The following CNTN5 variants were observed in gnomAD, a reference collection of about 807,000 sequenced individuals.
The protein encoded by CNTN5 is contactin 5.
A neutral mutation model predicts 129.1 loss-of-function variants in CNTN5; 77 were observed. That is an observed-to-expected ratio of 0.60 (90% CI 0.50 to 0.72). CNTN5 has a LOEUF of 0.72. Ranked by LOEUF, CNTN5 falls within the 30% of genes least tolerant of loss-of-function variation. The pLI is 0.00. For missense variants in CNTN5, 1,478 were observed against 1,328.8 expected, an observed-to-expected ratio of 1.11 and a Z score of -1.75; for synonymous variants, 509 against 465.6, an observed-to-expected ratio of 1.09 and a Z score of -1.20.
chr11:99,619,803 G>A (rs1477112587), intron 3 of CNTN5, among the ~76,000 whole-genome samples: 2 of 151,892 alleles, frequency 1.3e-5, no homozygotes, highest in Non-Finnish European at 2.9e-5. Context: ...GAGGCGGGCG[G>A]ATCACAAGGT....
chr11:99,042,983 T>G lies in CNTN5; in HGVS notation c.-210+21713T>G, dbSNP rs1044265778. ...CTTTGTTGTCAGGCTCAAATTATCT[T>G]GACCATTCACCTTCCATTCTTTTAT... On this transcript the variant is annotated intron_variant, in intron 1 of 24. Transcript: ENST00000524871. Among the ~76,000 whole-genome samples the G allele has an allele frequency of 6.5e-4, 99 of 152,310 alleles. 3 individuals carry two copies. Among genetic ancestry groups the G allele is most frequent in the African/African-American group, 2.2e-3 (92 of 41,584 alleles).
At chr11:99,178,621 C>G (rs1565380515) in intron 1 of CNTN5, among the ~76,000 whole-genome samples, 1 of 152,046 alleles carries the variant, frequency 6.6e-6, no homozygotes, top group Non-Finnish European at 1.5e-5. Context: ...AAAATGTATA[C>G]AGATTTACTT....
intron 3 of CNTN5, among the ~76,000 whole-genome samples, chr11:99,607,133 A>G (rs11220618): frequency 0.19 from 21,756 of 116,446 alleles, 2,221 homozygotes; most frequent in South Asian, 0.29. Context: ...CTGCACAGCA[A>G]AAGAAACTAC....
chr11:99,837,803 G>A (rs1947354734), intron 4 of CNTN5, among the ~76,000 whole-genome samples: 1 of 151,622 alleles, frequency 6.6e-6, no homozygotes, highest in African/African-American at 2.4e-5. Context: ...ACTTTATTGA[G>A]TGATTATGAT....
intron 13 of CNTN5, among the ~76,000 whole-genome samples, chr11:100,092,711 C>A (rs1020883652): frequency 7.2e-5 from 11 of 152,068 alleles, no homozygotes; most frequent in African/African-American, 2.4e-4. Context: ...CTGTGCTCTT[C>A]CCCCATACTG....
chr11:99,297,062 G>T (rs1448514442), intron 1 of CNTN5, among the ~76,000 whole-genome samples: 1 of 152,194 alleles, frequency 6.6e-6, no homozygotes, highest in Non-Finnish European at 1.5e-5. Context: ...GGAGTCTAGA[G>T]TAGTTAAATT....
chr11:99,193,176 C>G (rs1858732689), intron 1 of CNTN5, among the ~76,000 whole-genome samples: 2 of 151,966 alleles, frequency 1.3e-5, no homozygotes, highest in African/African-American at 4.8e-5. Context: ...TTTCTTATCA[C>G]TATGACAGGG....
chr11:100,341,233 G>A (rs2139014901), intron 23 of CNTN5, 28 bp downstream of exon 23: 1 of 1,461,644 alleles, frequency 6.8e-7, no homozygotes, highest in East Asian at 2.3e-5. Context: ...CTTTTGCATA[G>A]ATACTCATCT....
intron 6 of CNTN5, among the ~76,000 whole-genome samples, chr11:99,908,442 C>G (rs1264223564): frequency 1.3e-5 from 2 of 151,964 alleles, no homozygotes; most frequent in Admixed American, 6.6e-5. Context: ...TTTATCCTTT[C>G]ACATTTTTCT....
chr11:99,779,037 T>C (rs1945222299), intron 3 of CNTN5, among the ~76,000 whole-genome samples: 1 of 151,832 alleles, frequency 6.6e-6, no homozygotes, highest in Non-Finnish European at 1.5e-5. Flanking sequence ...CATCAGAAAA[T>C]TTTTAAAAAG....
intron 2 of CNTN5, among the ~76,000 whole-genome samples, chr11:99,506,148 C>G (rs1400471877): frequency 6.6e-6 from 1 of 152,132 alleles, no homozygotes; most frequent in Non-Finnish European, 1.5e-5. Context: ...ACTTTTTGAT[C>G]CATGAATCTG....
At chr11:99,045,954 T>C (rs1283763917) in intron 1 of CNTN5, among the ~76,000 whole-genome samples, 1 of 152,174 alleles carries the variant, frequency 6.6e-6, no homozygotes, top group Non-Finnish European at 1.5e-5. Context: ...CAAGTTATTA[T>C]TCCAGGATAG....
At chr11:99,134,958 G>C (rs1398348106) in intron 1 of CNTN5, among the ~76,000 whole-genome samples, 1 of 152,182 alleles carries the variant, frequency 6.6e-6, no homozygotes. Context: ...CCTATCAGTA[G>C]TATAATGAAT....
chr11:99,735,432 T>A (rs563572087), intron 3 of CNTN5, among the ~76,000 whole-genome samples: 1 of 152,360 alleles, frequency 6.6e-6, no homozygotes, highest in Non-Finnish European at 1.5e-5. Context: ...ATTTCACCAA[T>A]TTTGGTTAAA....
chr11:100,014,614 A>G (rs1252899056), intron 9 of CNTN5, among the ~76,000 whole-genome samples: 1 of 152,130 alleles, frequency 6.6e-6, no homozygotes, highest in East Asian at 1.9e-4. Context: ...AATTAAAAAT[A>G]CATAGATTTT....
chr11:99,703,861 T>C (rs1321544497), intron 3 of CNTN5, among the ~76,000 whole-genome samples: 2 of 151,006 alleles, frequency 1.3e-5, no homozygotes, highest in East Asian at 3.9e-4. Flanking sequence ...ATTTCGTTGC[T>C]AGAAATTATA....
chr11:99,294,073 C>T lies in CNTN5; in HGVS notation c.-209-31273C>T, dbSNP rs145465437. Among the ~76,000 whole-genome samples the T allele has an allele frequency of 1.3e-4, 19 of 151,800 alleles. No homozygotes were observed. In the East Asian group the frequency reaches 2.9e-3, roughly 23 times the overall value. On this transcript the variant is annotated intron_variant, in intron 1 of 24. Transcript: ENST00000524871. The stretch of plus-strand genomic sequence containing the variant: ...GCTATAAACTTTCTTCATAGTACTG[C>T]TTTTGTTGTATCCCATAGATTTGGG...
At chr11:99,586,329 CA>C (rs1465912196) in intron 3 of CNTN5, among the ~76,000 whole-genome samples, 2 of 151,950 alleles carry the variant, frequency 1.3e-5, no homozygotes, top group Non-Finnish European at 2.9e-5. Context: ...TGACATAACT[CA>C]GCATAATAAC....
chr11:99,863,207 G>A (rs1231851130), intron 6 of CNTN5, among the ~76,000 whole-genome samples: 1 of 151,986 alleles, frequency 6.6e-6, no homozygotes, highest in African/African-American at 2.4e-5. Context: ...CGTCAAACTG[G>A]AGCCCAATAT....
Sources: gnomAD v4.1 joint callset for allele counts (sites outside exome capture counted in the v4.1 genomes callset) on GRCh38, gnomAD v4.1.1 for gene constraint, MANE v1.5 for transcripts, NCBI Gene and HGNC (gene_info 2026-07-23, HGNC 2026-07-21) for gene names.